ZNF568: variants seen among roughly 807,000 people sequenced by gnomAD.
ZNF568 encodes the protein p53 inhibitor of SCO2 activation.
In ZNF568, 11 loss-of-function variants were observed where a neutral mutation model predicts 18.1. The ratio of observed to expected loss-of-function variants is 0.61; its 90% CI spans 0.38 to 1.00. The LOEUF (loss-of-function observed/expected upper bound fraction) is 1.00. Among genes scored for constraint, ZNF568 ranks in the 50% least tolerant of loss-of-function variants. ZNF568 has a pLI of 0.01. For missense variants in ZNF568, 639 were observed against 768.2 expected (o/e 0.83, Z 1.99); for synonymous variants, 213 against 246.6 (o/e 0.86, Z 1.28).
At chr19:36,997,720 A>G, downstream of ZNF568, 1 of 774,224 alleles carries the variant, frequency 1.3e-6, no homozygotes, top group Non-Finnish European at 2.1e-6. Context: ...GAGTGAATGA[A>G]GAAATGAGGG....
intron 2 of ZNF568, among the ~76,000 whole-genome samples, chr19:36,921,517 G>A (rs2073455776): frequency 6.6e-6 from 1 of 151,602 alleles, no homozygotes; most frequent in South Asian, 2.1e-4. Context: ...GTGTGTGAGG[G>A]GTATTAGGAG....
Position 36,951,817 on chromosome 19 carries a change from C to T in ZNF568, c.*729C>T, listed in dbSNP as rs575220005. 803 of 340,004 alleles carry T rather than the reference C, an allele frequency of 2.4e-3. 2 individuals carry two copies. Among genetic ancestry groups the T allele is most frequent in the Non-Finnish European group, 2.7e-3 (651 of 241,092 alleles). The allele number at this position is 340,004 out of a possible 1,614,324, so 21.1% of individuals were successfully genotyped here. ...TTGTTTTTTGTATTTTTAGTAGAGA[C>T]GGGGTTTCACCATGTTGGCCAGGGT... On this transcript the variant is annotated 3_prime_UTR_variant, in exon 7 of 7. Coordinates refer to ENST00000333987, the MANE Select transcript of ZNF568 (RefSeq NM_198539.4).
intron 6 of ZNF568, among the ~76,000 whole-genome samples, chr19:36,939,378 C>A (rs958497212): frequency 1.3e-5 from 2 of 152,140 alleles, no homozygotes; most frequent in African/African-American, 4.8e-5. Flanking sequence ...TTTTAGAGAA[C>A]TCTGTTCCCT....
rs561223336 is a variant in ZNF568 at position 36,916,387 on chromosome 19, G to C, written c.-460G>C. 1 of 155,604 alleles carries C rather than the reference G, an allele frequency of 6.4e-6. No individual in the cohort carries two copies. Among genetic ancestry groups the C allele is most frequent in the African/African-American group, 2.4e-5 (1 of 41,734 alleles). The allele number at this position is 155,604 out of a possible 1,614,324, so 9.6% of individuals were successfully genotyped here. On this transcript the variant is annotated 5_prime_UTR_variant, in exon 1 of 7. Transcript: ENST00000333987. This position sits in a 1 kb window ranked among gnomAD's most constrained non-coding sequence, Gnocchi z 5.3. ...GGATGGTTCGGCGCTTTAGGCGTCT[G>C]TCACAGACCTATCTGCGGGTCGCCT...
In ZNF568 at chr19:36,989,307, C is replaced by G. The variant is rs568742355; in HGVS notation, c.10-1869C>G. On this transcript the variant is annotated intron_variant, in intron 2 of 4. Coordinates refer to the ZNF568 transcript ENST00000433993. ...AAGCGATCCTCCTGCCTTAGCCCCC[C>G]TAGTAGCTGGGATTACAGGCACGTG... is the stretch of plus-strand genomic sequence containing the variant. Among the ~76,000 whole-genome samples the G allele has an allele frequency of 2.6e-5, 4 of 152,264 alleles. No individual in the cohort carries two copies. The South Asian group carries it at 8.3e-4, about 32-fold the overall frequency.
intron 6 of ZNF568, among the ~76,000 whole-genome samples, chr19:36,942,325 C>T (rs910102311): frequency 6.6e-6 from 1 of 151,456 alleles, no homozygotes; most frequent in Non-Finnish European, 1.5e-5. Context: ...AGGAGCTGGT[C>T]GCGGCAGCTC....
chr19:36,947,565 A>C (rs2073988217), intron 6 of ZNF568, among the ~76,000 whole-genome samples: 2 of 152,178 alleles, frequency 1.3e-5, no homozygotes, highest in African/African-American at 2.4e-5. Context: ...GGGAGACTGG[A>C]ATACATGTTA....
rs1238202960 is a variant in ZNF568 at position 36,950,191 on chromosome 19, G to GGATTT, written c.1038_1039insGATTT (p.Gln347AspfsTer37). ...AATGTGGGAAATCCTTCAGCCAGAA[G>GGATTT]CAAAATCTTATTGAGCACGAGAAAA... On this transcript the variant is annotated frameshift_variant, in exon 7 of 7. Transcript: ENST00000333987. LOFTEE classifies it low-confidence loss of function (END_TRUNC). 6.2e-7 allele frequency: 1 copy of GGATTT among 1,613,112 alleles called. No individual in the cohort carries two copies. The highest frequency in any genetic ancestry group is 1.3e-5 in the African/African-American group (1 of 74,720).
intron 6 of ZNF568, among the ~76,000 whole-genome samples, chr19:36,947,806 T>C (rs969725650): frequency 6.6e-6 from 1 of 152,166 alleles, no homozygotes; most frequent in Non-Finnish European, 1.5e-5. Context: ...ATAAACTTCA[T>C]CTTTTAGGCT....
chr19:36,994,136 T>G (rs1459007478), intron 4 of ZNF568, among the ~76,000 whole-genome samples: 1 of 152,102 alleles, frequency 6.6e-6, no homozygotes, highest in African/African-American at 2.4e-5. Context: ...CTCAAAATAT[T>G]TTTTAATTTT....
intron 6 of ZNF568, among the ~76,000 whole-genome samples, chr19:36,960,431 G>A (rs1340622778): frequency 6.6e-6 from 1 of 151,878 alleles, no homozygotes; most frequent in Admixed American, 6.6e-5. Flanking sequence ...TTTTTTGATT[G>A]CATTCTACAT....
intron 6 of ZNF568, among the ~76,000 whole-genome samples, chr19:36,938,595 G>T (rs950163496): frequency 6.6e-6 from 1 of 152,148 alleles, no homozygotes; most frequent in African/African-American, 2.4e-5. Flanking sequence ...TTTTGCATAT[G>T]GGAAAATATC....
intron 6 of ZNF568, among the ~76,000 whole-genome samples, chr19:36,968,543 CAAA>C (rs59549359): frequency 1.1e-5 from 1 of 94,004 alleles, no homozygotes. Flanking sequence ...ACTCTGTCTC[CAAA>C]AAAAAAAAAA....
At chr19:36,997,123 C>G (rs752008255) in exon 5 of ZNF568, 1 of 1,568,652 alleles carries the variant, frequency 6.4e-7, no homozygotes, top group African/African-American at 1.4e-5. Context: ...TGGTGAAAGA[C>G]GCTATGAATG....
At chr19:36,921,534 T>C (rs946085253) in intron 2 of ZNF568, among the ~76,000 whole-genome samples, 4 of 152,052 alleles carry the variant, frequency 2.6e-5, no homozygotes, top group African/African-American at 9.7e-5. Flanking sequence ...GGAGGATATC[T>C]CAAGCATAGC....
At chr19:36,928,497 C>T (rs2073623348) in intron 4 of ZNF568, among the ~76,000 whole-genome samples, 1 of 152,128 alleles carries the variant, frequency 6.6e-6, no homozygotes, top group Non-Finnish European at 1.5e-5. Context: ...AGGCACTTTC[C>T]TACTAGTCAG....
At chr19:36,972,905 T>C (rs987336022) in intron 6 of ZNF568, among the ~76,000 whole-genome samples, 1 of 152,238 alleles carries the variant, frequency 6.6e-6, no homozygotes, top group Non-Finnish European at 1.5e-5. Context: ...CGGCCGCCCC[T>C]TCCCGGGTTT....
chr19:36,930,775 G>C (rs1453260763), intron 4 of ZNF568, among the ~76,000 whole-genome samples: 2 of 152,100 alleles, frequency 1.3e-5, no homozygotes, highest in African/African-American at 4.8e-5. Context: ...CCACTTTATA[G>C]ATGAGGAAAC....
intron 4 of ZNF568, among the ~76,000 whole-genome samples, chr19:36,926,012 TTCAA>T (rs2073547319): frequency 4.6e-5 from 7 of 152,204 alleles, no homozygotes; most frequent in Admixed American, 3.3e-4. Context: ...TTGGCCAAAC[TTCAA>T]AAATTCAAAT....
Sources: gnomAD v4.1 joint callset for allele counts (sites outside exome capture counted in the v4.1 genomes callset) on GRCh38, gnomAD v4.1.1 for gene constraint, Gnocchi (gnomAD v3.1) non-coding constraint, MANE v1.5 for transcripts, NCBI Gene and HGNC (gene_info 2026-07-23, HGNC 2026-07-21) for gene names.